The following CHERP variants were observed in gnomAD, a reference collection of about 807,000 sequenced individuals.
CHERP encodes the protein ERPROT 213-21.
Under a neutral mutation model 113.8 loss-of-function variants are expected in CHERP, and 8 were observed. The observed-to-expected ratio is 0.07, with a 90% CI of 0.04 to 0.13. The LOEUF is 0.13. CHERP is among the 10% of genes least tolerant of loss of function. The probability of loss-of-function intolerance (pLI) is 1.00; values close to 1 mark genes in which losing one functional copy is unlikely to be tolerated. For synonymous variants in CHERP, 559 were observed against 524.5 expected (o/e 1.07, Z -0.90); for missense variants, 884 against 1,298.2 (o/e 0.68, Z 4.90).
At chr19:16,522,673 T>C (rs569863635) in intron 11 of CHERP, among the ~76,000 whole-genome samples, 1 of 152,244 alleles carries the variant, frequency 6.6e-6, no homozygotes, top group South Asian at 2.1e-4. Context: ...CCCTGTGTGC[T>C]TGGTAGGCAC....
At chr19:16,521,745 C>T in intron 11 of CHERP, 91 bp from the exon 12 acceptor site, 2 of 1,289,700 alleles carry the variant, frequency 1.6e-6, no homozygotes, top group Admixed American at 6.3e-5. Flanking sequence ...AGGGCAGGGC[C>T]CAGGTTCAGT....
intron 10 of CHERP, among the ~76,000 whole-genome samples, chr19:16,524,869 G>A (rs1175552511): frequency 2.0e-5 from 3 of 151,738 alleles, no homozygotes; most frequent in Non-Finnish European, 2.9e-5. Context: ...TAGGACCATA[G>A]GCGCCCGACA....
At chr19:16,536,257 G>C (rs2085740716) in intron 2 of CHERP, among the ~76,000 whole-genome samples, 2 of 152,174 alleles carry the variant, frequency 1.3e-5, no homozygotes, top group African/African-American at 4.8e-5. Context: ...AGGCAGCAGT[G>C]AGACACCCAT....
chr19:16,521,433 T>A (rs1486407862), intron 12 of CHERP, 88 bp downstream of exon 12: 1 of 1,327,078 alleles, frequency 7.5e-7, no homozygotes, highest in Non-Finnish European at 1.0e-6. Flanking sequence ...ACAGCCACAT[T>A]TTCTAGCCTG....
rs766012811 is a variant in CHERP, at chr19:16,519,738, T to G, written c.2463-23A>C. 2 of 1,584,040 alleles carry G rather than the reference T, an allele frequency of 1.3e-6. No homozygotes were observed. Among genetic ancestry groups the G allele is most frequent in the African/African-American group, 1.3e-5 (1 of 74,440 alleles). The stretch of plus-strand genomic sequence containing the variant: ...GAACTAAAATCGAGACAGGTTATTC[T>G]TTTTAAGAAGTAACTGAGACATTTA... On this transcript the variant is annotated intron_variant, in intron 15 of 16. Coordinates refer to ENST00000546361, the MANE Select transcript of CHERP (RefSeq NM_006387.6). This position sits in a 1 kb window ranked among gnomAD's most constrained non-coding sequence, Gnocchi z 6.0.
Position 16,525,531 on chromosome 19 carries a change from G to A in CHERP, c.1452C>T (p.Pro484=), listed in dbSNP as rs1212303684. 6 of 1,547,580 alleles carry A rather than the reference G, an allele frequency of 3.9e-6. No homozygotes were observed. The Admixed American group carries it at 7.7e-5, about 20-fold the overall frequency. ...GQRDAPWNNQ[P]DAAWNSQFEG... ...CGAACTGGCTGTTCCAGGCGGCGTC[G>A]GGCTGGTTGTTCCAGGGCGCGTCGC... is the stretch of plus-strand genomic sequence containing the variant. The change falls in exon 10 of 17, where the codon CCC becomes CCT. Residue 484 remains proline (P), a synonymous_variant. Transcript: ENST00000546361. This position sits in a 1 kb window ranked among gnomAD's most constrained non-coding sequence, Gnocchi z 6.5.
rs545836628 is a variant in CHERP, at chr19:16,519,510, G to C, written c.2557+111C>G. On this transcript the variant is annotated intron_variant, in intron 16 of 16. Transcript: ENST00000546361. This position sits in a 1 kb window ranked among gnomAD's most constrained non-coding sequence, Gnocchi z 6.0. ...AGAGGGTCTGGGTGGAGTCAGAACC[G>C]GCCTGACTCCATCCATCCCCACATG... 2.9e-5 allele frequency: 37 copies of C among 1,269,938 alleles called. No homozygotes were observed. The highest frequency in any genetic ancestry group is 4.0e-5 in the Non-Finnish European group (35 of 880,808). 78.7% of individuals were successfully genotyped at this position (1,269,938 alleles called of 1,614,324 possible).
In CHERP at chr19:16,523,479, C is replaced by T. The variant is rs573462347; in HGVS notation, c.1742-189G>A. Among the ~76,000 whole-genome samples the T allele has an allele frequency of 2.0e-4, 30 of 152,164 alleles. No homozygotes were observed. Among genetic ancestry groups the T allele is most frequent in the African/African-American group, 6.5e-4 (27 of 41,520 alleles). On this transcript the variant is annotated intron_variant, in intron 10 of 16. Coordinates refer to ENST00000546361, the MANE Select transcript of CHERP (RefSeq NM_006387.6). This position sits in a 1 kb window ranked among gnomAD's most constrained non-coding sequence, Gnocchi z 4.0. ...GAGCCAGGCTCCGAGGGGCCTGTCC[C>T]GCACCCATAGGCACAGCCGAGGGAG... is the stretch of plus-strand genomic sequence containing the variant.
At position 16,536,991 on chromosome 19, in the gene CHERP, GAC is replaced by G. The variant is rs1261855224; in HGVS notation, c.200-1357_200-1356del. Reference sequence around the variant, plus strand: ...GGCGCCACTGCACTCCAGTGTGGGTGACAGAGTGAGACTCCATCTCAAAAAAT... The same window carrying G: ...GGCGCCACTGCACTCCAGTGTGGGTGAGAGTGAGACTCCATCTCAAAAAAT... On this transcript the variant is annotated intron_variant, in intron 2 of 16. Transcript: ENST00000546361. Among the ~76,000 whole-genome samples the G allele has an allele frequency of 4.6e-5, 7 of 152,156 alleles. No individual in the cohort carries two copies. In the East Asian group the frequency reaches 1.3e-3, roughly 29 times the overall value.
At chr19:16,528,947 C>G (rs1231370709) in intron 8 of CHERP, among the ~76,000 whole-genome samples, 1 of 152,104 alleles carries the variant, frequency 6.6e-6, no homozygotes, top group Middle Eastern at 3.4e-3. Context: ...AGCAAGACTC[C>G]ATCTCAAAAA....
chr19:16,519,591 T>G lies in CHERP; in HGVS notation c.2557+30A>C. On this transcript the variant is annotated intron_variant, in intron 16 of 16. Coordinates refer to ENST00000546361, the MANE Select transcript of CHERP (RefSeq NM_006387.6). The surrounding 1 kb of genome is among the most constrained non-coding windows in gnomAD (Gnocchi z 6.0). ...CGGGCCCAGCACGCGTGAGGACCCATCCCGCGCCCTCCCCATTCCCTCGCC... is the reference window on the plus strand; with the variant it reads ...CGGGCCCAGCACGCGTGAGGACCCAGCCCGCGCCCTCCCCATTCCCTCGCC... 5.7e-6 allele frequency: 9 copies of G among 1,574,140 alleles called. No homozygotes were observed. Among genetic ancestry groups the G allele is most frequent in the South Asian group, 1.1e-5 (1 of 90,256 alleles).
At position 16,529,862 on chromosome 19, in the gene CHERP, C is replaced by T. The variant is rs761580124; in HGVS notation, c.915G>A (p.Pro305=). 1.7e-5 allele frequency: 28 copies of T among 1,613,744 alleles called. No homozygotes were observed. The highest frequency in any genetic ancestry group is 1.2e-4 in the Admixed American group (7 of 60,006). Residue 305 remains proline, a synonymous_variant, in exon 8 of 17, where the codon CCG becomes CCA. Coordinates refer to ENST00000546361, the MANE Select transcript of CHERP (RefSeq NM_006387.6). The part of the protein sequence containing the change: ...LINEYSSVVQ[P]VQLAFQQQIQ... ...TCTGCTGCTGGAAGGCCAGCTGCAC[C>T]GGCTGGACCACTGAGGAGTACTCGT...
Position 16,523,388 on chromosome 19 carries a change from A to G in CHERP, c.1742-98T>C. The stretch of plus-strand genomic sequence containing the variant: ...GGGCTCAGTGAAGGGCCAGGAGACG[A>G]ACCCCTCCTGGGAGCCTGTCCAGCA... On this transcript the variant is annotated intron_variant, in intron 10 of 16. Coordinates refer to ENST00000546361, the MANE Select transcript of CHERP (RefSeq NM_006387.6). This position sits in a 1 kb window ranked among gnomAD's most constrained non-coding sequence, Gnocchi z 4.0. 7.2e-7 allele frequency: 1 copy of G among 1,397,906 alleles called. No individual in the cohort carries two copies. Among genetic ancestry groups the G allele is most frequent in the Admixed American group, 2.2e-5 (1 of 45,880 alleles). The allele number at this position is 1,397,906 out of a possible 1,614,324, so 86.6% of individuals were successfully genotyped here.
Position 16,520,527 on chromosome 19 carries a change from G to A in CHERP, c.2202-20C>T. ...GGTCCGCTGTGGGGAGAGGCCTGATGATCAGGTGCCCCAGTGGATGGGCTG... is the reference window on the plus strand; with the variant it reads ...GGTCCGCTGTGGGGAGAGGCCTGATAATCAGGTGCCCCAGTGGATGGGCTG... On this transcript the variant is annotated intron_variant, in intron 13 of 16. Coordinates refer to ENST00000546361, the MANE Select transcript of CHERP (RefSeq NM_006387.6). The surrounding 1 kb of genome is among the most constrained non-coding windows in gnomAD (Gnocchi z 4.0). 6.2e-7 allele frequency: 1 copy of A among 1,604,194 alleles called. No individual in the cohort carries two copies. The highest frequency in any genetic ancestry group is 8.5e-7 in the Non-Finnish European group (1 of 1,174,718).
Position 16,532,878 on chromosome 19 carries a change from A to C in CHERP, c.523-129T>G, listed in dbSNP as rs535320748. 1 of 1,523,826 alleles carries C rather than the reference A, an allele frequency of 6.6e-7. No homozygotes were observed. The highest frequency in any genetic ancestry group is 1.4e-5 in the African/African-American group (1 of 73,136). The allele number at this position is 1,523,826 out of a possible 1,614,324, so 94.4% of individuals were successfully genotyped here. A position where few individuals can be genotyped will look rare whatever the true frequency, so the allele number is the denominator to read the frequency against. On this transcript the variant is annotated intron_variant, in intron 4 of 16. Coordinates refer to ENST00000546361, the MANE Select transcript of CHERP (RefSeq NM_006387.6). The surrounding 1 kb of genome is among the most constrained non-coding windows in gnomAD (Gnocchi z 4.4). ...ATGAGCGTGGGGGGCACAGGGTCCC[A>C]CAGCCTCAGGAGCTCCAGGCGGGAG...
chr19:16,542,382 T>G lies in CHERP; in HGVS notation c.-4A>C. On this transcript the variant is annotated 5_prime_UTR_variant, in exon 1 of 17. Coordinates refer to ENST00000546361, the MANE Select transcript of CHERP (RefSeq NM_006387.6). Reference sequence around the variant, plus strand: ...CGGGGGGCAGCGGCATCTCCATGGCTCCGGCCGCGGGGAACGTCCTCCGGC... The same window carrying G: ...CGGGGGGCAGCGGCATCTCCATGGCGCCGGCCGCGGGGAACGTCCTCCGGC... 1 of 1,366,270 alleles carries G rather than the reference T, an allele frequency of 7.3e-7. No individual in the cohort carries two copies. Among genetic ancestry groups the G allele is most frequent in the Non-Finnish European group, 9.5e-7 (1 of 1,051,960 alleles). 84.6% of individuals were successfully genotyped at this position (1,366,270 alleles called of 1,614,324 possible).
intron 9 of CHERP, 63 bp downstream of exon 9, chr19:16,528,017 G>A: frequency 1.3e-6 from 2 of 1,526,924 alleles, no homozygotes; most frequent in Admixed American, 1.8e-5. Context: ...ACTGGCATAG[G>A]GGAGGCTACC....
rs758462254 is a variant in CHERP at position 16,519,759 on chromosome 19, A to C, written c.2463-44T>G. Reference sequence around the variant, plus strand: ...ATTCTTTTTAAGAAGTAACTGAGACATTTATTGGAATGACAGTGATGAGGA... The same window carrying C: ...ATTCTTTTTAAGAAGTAACTGAGACCTTTATTGGAATGACAGTGATGAGGA... On this transcript the variant is annotated intron_variant, in intron 15 of 16. Transcript: ENST00000546361. The surrounding 1 kb of genome is among the most constrained non-coding windows in gnomAD (Gnocchi z 6.0). 1 of 1,501,822 alleles carries C rather than the reference A, an allele frequency of 6.7e-7. No homozygotes were observed. Among genetic ancestry groups the C allele is most frequent in the Non-Finnish European group, 9.3e-7 (1 of 1,078,220 alleles). 93.0% of individuals were successfully genotyped at this position (1,501,822 alleles called of 1,614,324 possible). A position where few individuals can be genotyped will look rare whatever the true frequency, so the allele number is the denominator to read the frequency against.
intron 3 of CHERP, among the ~76,000 whole-genome samples, chr19:16,533,927 G>GTTA (rs1242511504): frequency 6.6e-6 from 1 of 152,232 alleles, no homozygotes; most frequent in African/African-American, 2.4e-5. Context: ...GGAAACACCG[G>GTTA]TTAAAGTGCG....
Sources: allele counts gnomAD v4.1 joint callset (sites outside exome capture counted in the v4.1 genomes callset), GRCh38; gene constraint gnomAD v4.1.1; non-coding constraint Gnocchi (gnomAD v3.1); transcripts MANE v1.5; gene names NCBI Gene and HGNC (gene_info 2026-07-23, HGNC 2026-07-21).